Variants in SLC39A10 observed in about 807,000 individuals in gnomAD.
The protein encoded by SLC39A10 is zinc transporter ZIP10.
SLC39A10 carries 13 observed loss-of-function variants against 65.1 expected under a neutral mutation model. That is an observed-to-expected ratio of 0.20 (90% confidence interval 0.13 to 0.32). SLC39A10 has a LOEUF of 0.32. Ranked by LOEUF, SLC39A10 falls within the 10% of genes least tolerant of loss-of-function variation. SLC39A10 has a pLI of 1.00. For missense variants in SLC39A10, 831 were observed against 1,018.4 expected, an observed-to-expected ratio of 0.82 and a Z score of 2.50; for synonymous variants, 321 against 342.2, an observed-to-expected ratio of 0.94 and a Z score of 0.68.
chr2:195,731,600 AG>A (rs1692434745), intron 9 of SLC39A10, among the ~76,000 whole-genome samples: 1 of 152,228 alleles, frequency 6.6e-6, no homozygotes, highest in South Asian at 2.1e-4. Context: ...TACAGATACA[AG>A]AAGAATGAGT....
Position 195,716,772 on chromosome 2 carries a change from A to T in SLC39A10, c.1832A>T (p.Asp611Val). ...AAAATCATAGACCATTCTCACAGTG[A>T]TGGATTACATACCATTCATGAGCAT... ...EEKIIDHSHS[D>V]GLHTIHEHDL... is the part of the protein sequence containing the mutation. The change falls in exon 7 of 10, where the codon GAT becomes GTT. Residue 611 changes from aspartate (D) to valine (V), a missense_variant. Asp to Val is a radical substitution (Grantham distance 152). This residue lies in a region of SLC39A10 where 230 missense variants were observed against 242.9 expected (regional missense o/e 0.95). Transcript: ENST00000359634. 6.2e-7 allele frequency: 1 copy of T among 1,614,204 alleles called. No individual in the cohort carries two copies. Among genetic ancestry groups the T allele is most frequent in the Non-Finnish European group, 8.5e-7 (1 of 1,180,034 alleles).
chr2:195,633,379 G>A (rs370770976), intron 2 of SLC39A10, among the ~76,000 whole-genome samples: 22 of 152,248 alleles, frequency 1.4e-4, no homozygotes, highest in East Asian at 1.3e-3. Flanking sequence ...TGTGGGACCC[G>A]AGGCAGCGTC....
At chr2:195,630,371 G>T (rs759558263) in intron 2 of SLC39A10, among the ~76,000 whole-genome samples, 1 of 151,824 alleles carries the variant, frequency 6.6e-6, no homozygotes, top group Non-Finnish European at 1.5e-5. Context: ...AGGGATGCAG[G>T]GCTTCCATGC....
At chr2:195,692,069 G>A (rs1427353950) in intron 3 of SLC39A10, among the ~76,000 whole-genome samples, 1 of 152,096 alleles carries the variant, frequency 6.6e-6, no homozygotes, top group African/African-American at 2.4e-5. Context: ...TCTACATATG[G>A]CTTACCAGTT....
At chr2:195,701,389 TAGTAGA>T in intron 3 of SLC39A10, among the ~76,000 whole-genome samples, 1 of 149,052 alleles carries the variant, frequency 6.7e-6, no homozygotes, top group Admixed American at 6.7e-5. Context: ...AGTCATTGTC[TAGTAGA>T]TCTGCCATTA....
At chr2:195,729,961 A>ATTTTTTTTTT (rs58936616) in intron 9 of SLC39A10, among the ~76,000 whole-genome samples, 7 of 92,136 alleles carry the variant, frequency 7.6e-5, no homozygotes, top group East Asian at 2.6e-4. Context: ...ACCATGCCTA[A>ATTTTTTTTTT]TTTTTTTTTT....
At chr2:195,641,689 T>A (rs1457467806) in intron 2 of SLC39A10, among the ~76,000 whole-genome samples, 1 of 149,518 alleles carries the variant, frequency 6.7e-6, no homozygotes, top group African/African-American at 2.5e-5. Flanking sequence ...ATAGTTCTTT[T>A]TTTTTTTTTT....
intron 3 of SLC39A10, among the ~76,000 whole-genome samples, chr2:195,695,023 G>T (rs1690891771): frequency 6.6e-6 from 1 of 152,122 alleles, no homozygotes; most frequent in African/African-American, 2.4e-5. Flanking sequence ...TTCGCAGGTA[G>T]GCATCCCAGA....
chr2:195,720,360 A>T (rs1322561703), intron 8 of SLC39A10, among the ~76,000 whole-genome samples: 31 of 152,248 alleles, frequency 2.0e-4, no homozygotes, highest in Non-Finnish European at 1.2e-4. Flanking sequence ...TATAAATTAA[A>T]AAACAGTAGC....
At chr2:195,718,356 C>G in intron 8 of SLC39A10, 24 bp downstream of exon 8, 1 of 1,544,626 alleles carries the variant, frequency 6.5e-7, no homozygotes, top group Non-Finnish European at 8.9e-7. Flanking sequence ...AAAAATTTTA[C>G]CAGATTTCAT....
chr2:195,686,547 TCAAAA>T (rs750677687), intron 3 of SLC39A10, among the ~76,000 whole-genome samples: 32 of 152,288 alleles, frequency 2.1e-4, no homozygotes, highest in Middle Eastern at 3.4e-3. Flanking sequence ...AGACTCCGTC[TCAAAA>T]CAAAACAAAA....
intron 1 of SLC39A10, among the ~76,000 whole-genome samples, chr2:195,672,902 G>A (rs1259694703): frequency 6.6e-6 from 1 of 152,138 alleles, no homozygotes; most frequent in African/African-American, 2.4e-5. Context: ...TGCAGGGAGT[G>A]TAACAGGGAG....
At chr2:195,731,051 C>G (rs534606100) in intron 9 of SLC39A10, among the ~76,000 whole-genome samples, 66 of 152,346 alleles carry the variant, frequency 4.3e-4, no homozygotes, top group Middle Eastern at 6.8e-3. Flanking sequence ...TCTGTATCAG[C>G]TCAACTAGAG....
chr2:195,662,410 G>A (rs1689443842), intron 1 of SLC39A10, among the ~76,000 whole-genome samples: 1 of 151,668 alleles, frequency 6.6e-6, no homozygotes, highest in Admixed American at 6.6e-5. Context: ...CTGGGAATAC[G>A]GGAGCGTGTG....
At chr2:195,632,859 A>G (rs1415969581) in intron 2 of SLC39A10, among the ~76,000 whole-genome samples, 1 of 152,212 alleles carries the variant, frequency 6.6e-6, no homozygotes, top group Non-Finnish European at 1.5e-5. Context: ...AGTTTAAAAC[A>G]TCTTTGTCAT....
intron 3 of SLC39A10, among the ~76,000 whole-genome samples, chr2:195,696,911 G>A (rs1301850305): frequency 1.3e-5 from 2 of 152,112 alleles, no homozygotes; most frequent in Non-Finnish European, 2.9e-5. Context: ...TAGTACACTT[G>A]GAAAAGGGCC....
intron 2 of SLC39A10, among the ~76,000 whole-genome samples, chr2:195,636,490 G>GC (rs1688698267): frequency 6.6e-6 from 1 of 152,170 alleles, no homozygotes; most frequent in Non-Finnish European, 1.5e-5. Flanking sequence ...AGTGGCTCAC[G>GC]CCTGTAATCC....
Position 195,703,417 on chromosome 2 carries a change from G to A in SLC39A10, c.1217-3199G>A, listed in dbSNP as rs146203627. On this transcript the variant is annotated intron_variant, in intron 3 of 9. Transcript: ENST00000359634. ...CAGTTGTGCCCTCTATGTTTTATATGCAAAAACAAAGTTATCAAAAGATAT... is the reference window on the plus strand; with the variant it reads ...CAGTTGTGCCCTCTATGTTTTATATACAAAAACAAAGTTATCAAAAGATAT... 3.0e-3 allele frequency among the ~76,000 whole-genome samples: 455 copies of A among 152,054 alleles called. 1 individual carries two copies. The highest frequency in any genetic ancestry group is 6.7e-3 in the African/African-American group (280 of 41,500).
At chr2:195,718,371 T>C in intron 8 of SLC39A10, 39 bp downstream of exon 8, 1 of 1,461,248 alleles carries the variant, frequency 6.8e-7, no homozygotes, top group South Asian at 1.2e-5. Flanking sequence ...TTTCATCAAA[T>C]CTAAGACTTC....
Sources: gnomAD v4.1 joint callset for allele counts (sites outside exome capture counted in the v4.1 genomes callset) on GRCh38, gnomAD v4.1.1 for gene constraint, gnomAD v4.1.1 regional missense constraint, MANE v1.5 for transcripts, NCBI Gene and HGNC (gene_info 2026-07-23, HGNC 2026-07-21) for gene names.